Variants in IL1RAPL1 observed in about 807,000 individuals in gnomAD.
The protein encoded by IL1RAPL1 is interleukin 1 receptor accessory protein like 1, also known as interleukin-1 receptor accessory protein-like 1.
A neutral mutation model predicts 48.4 loss-of-function variants in IL1RAPL1; 3 were observed. That is an observed-to-expected ratio of 0.06 (90% CI 0.03 to 0.16). IL1RAPL1 has a LOEUF of 0.16. Ranked by LOEUF, IL1RAPL1 falls within the 10% of genes least tolerant of loss-of-function variation. The pLI is 1.00. For missense variants in IL1RAPL1, 349 were observed against 530.6 expected (o/e 0.66, Z 3.36); for synonymous variants, 185 against 187.7 (o/e 0.99, Z 0.12).
chrX:29,686,224 G>T (rs1276673523), intron 6 of IL1RAPL1, among the ~76,000 whole-genome samples: 1 of 111,343 alleles, frequency 9.0e-6, no homozygotes, highest in Admixed American at 9.5e-5. Context: ...TCAAATGCAG[G>T]ATAGCATTTT....
At chrX:29,309,516 C>T (rs1187909395) in intron 3 of IL1RAPL1, among the ~76,000 whole-genome samples, 1 of 112,213 alleles carries the variant, frequency 8.9e-6, no homozygotes, top group Non-Finnish European at 1.9e-5. Flanking sequence ...AATAACTGCT[C>T]CAAAAAAAGG....
intron 5 of IL1RAPL1, among the ~76,000 whole-genome samples, chrX:29,585,091 C>T (rs55663540): frequency 0.16 from 18,324 of 111,348 alleles, 2,063 homozygotes; most frequent in African/African-American, 0.39. Context: ...CTCTTAAAAA[C>T]TTTTGAATGT....
At chrX:29,328,895 G>A (rs1932862083) in intron 3 of IL1RAPL1, among the ~76,000 whole-genome samples, 1 of 110,690 alleles carries the variant, frequency 9.0e-6, no homozygotes, top group African/African-American at 3.3e-5. Context: ...GATCACGGTA[G>A]TATGATTTAC....
intron 3 of IL1RAPL1, among the ~76,000 whole-genome samples, chrX:29,338,525 C>G (rs942493174): frequency 5.4e-5 from 6 of 111,987 alleles, no homozygotes; most frequent in African/African-American, 1.6e-4. Context: ...TATTACAACT[C>G]TCTGAGGGAC....
chrX:28,735,787 A>G (rs1935815732), intron 1 of IL1RAPL1, among the ~76,000 whole-genome samples: 1 of 111,529 alleles, frequency 9.0e-6, no homozygotes, highest in South Asian at 3.7e-4. Flanking sequence ...ATAAAATTAA[A>G]AAAAAAATTA....
chrX:28,901,864 T>TC (rs773727052), intron 2 of IL1RAPL1, among the ~76,000 whole-genome samples: 125 of 112,145 alleles, frequency 1.1e-3, no homozygotes, highest in African/African-American at 3.8e-3. Context: ...CAAGTTGACT[T>TC]CAGCTTTCAG....
rs1011720993 is a variant in IL1RAPL1, at chrX:29,805,879, C to T, written c.779-111585C>T. Among the ~76,000 whole-genome samples the T allele has an allele frequency of 2.8e-5, 3 of 108,374 alleles. No homozygotes were observed. The Admixed American group carries it at 3.0e-4, about 11-fold the overall frequency. The allele number at this position is 108,374 out of a possible 115,157, so 94.1% of individuals were successfully genotyped here. On this transcript the variant is annotated intron_variant, in intron 6 of 10. Transcript: ENST00000378993. ...TGAAGTCTATTATAGTCTTATATGA[C>T]AGAAAAAGGTGAAGAAAATTGTATA...
At chrX:29,449,782 G>C (rs915347283) in intron 5 of IL1RAPL1, among the ~76,000 whole-genome samples, 32 of 69,656 alleles carry the variant, frequency 4.6e-4, no homozygotes, top group East Asian at 3.5e-3. Context: ...CACACACACA[G>C]AGAGAGAGAG....
At chrX:29,080,994 T>TTCTCTCTC (rs201299964) in intron 2 of IL1RAPL1, among the ~76,000 whole-genome samples, 354 of 26,397 alleles carry the variant, frequency 0.013, 16 homozygotes, top group East Asian at 0.023. Context: ...CTTTCTTTCT[T>TTCTCTCTC]TCTCTCTCTC....
chrX:29,619,243 T>G (rs1481432850), intron 5 of IL1RAPL1, among the ~76,000 whole-genome samples: 2 of 112,006 alleles, frequency 1.8e-5, no homozygotes, highest in Non-Finnish European at 3.8e-5. Flanking sequence ...TTTTTAAAAA[T>G]TTGTCTTGGC....
At chrX:29,024,463 T>C (rs936140371) in intron 2 of IL1RAPL1, among the ~76,000 whole-genome samples, 3 of 111,865 alleles carry the variant, frequency 2.7e-5, no homozygotes, top group African/African-American at 9.7e-5. Flanking sequence ...ACATTTCCAG[T>C]GTGTGATGTT....
intron 1 of IL1RAPL1, among the ~76,000 whole-genome samples, chrX:28,743,460 A>G (rs1280158267): frequency 9.0e-6 from 1 of 111,416 alleles, no homozygotes; most frequent in Non-Finnish European, 1.9e-5. Context: ...TAGTTACAAG[A>G]CCTTTCTTCT....
chrX:29,678,898 G>A (rs921504960), intron 6 of IL1RAPL1, among the ~76,000 whole-genome samples: 8 of 98,786 alleles, frequency 8.1e-5, no homozygotes, highest in Non-Finnish European at 2.2e-5. Context: ...CAAAAAGCCA[G>A]GAAGTTGCTT....
intron 1 of IL1RAPL1, among the ~76,000 whole-genome samples, chrX:28,656,283 G>A (rs1316585003): frequency 9.0e-6 from 1 of 110,762 alleles, no homozygotes; most frequent in Non-Finnish European, 1.9e-5. Flanking sequence ...CTACTCTTCT[G>A]ATTGTGCTGA....
At chrX:29,198,256 G>A (rs934978214) in intron 2 of IL1RAPL1, among the ~76,000 whole-genome samples, 1 of 110,262 alleles carries the variant, frequency 9.1e-6, no homozygotes, top group Non-Finnish European at 1.9e-5. Flanking sequence ...GGAAGATGCC[G>A]CTAGATTTGG....
chrX:28,829,102 T>G (rs1920991963), intron 2 of IL1RAPL1, among the ~76,000 whole-genome samples: 1 of 112,044 alleles, frequency 8.9e-6, no homozygotes, highest in South Asian at 3.7e-4. Flanking sequence ...ATTTTTGATA[T>G]TATTGTAAAT....
At chrX:28,779,634 GTATATATATATATATATATATATATA>G (rs1183080798) in intron 1 of IL1RAPL1, among the ~76,000 whole-genome samples, 3 of 38,322 alleles carry the variant, frequency 7.8e-5, no homozygotes, top group South Asian at 1.7e-3. Flanking sequence ...GTGTGTGTGT[GTATATATATATATATATATATATATA>G]TATATATATA....
chrX:29,672,137 C>T (rs1464416494), intron 6 of IL1RAPL1, among the ~76,000 whole-genome samples: 1 of 111,637 alleles, frequency 9.0e-6, no homozygotes, highest in Non-Finnish European at 1.9e-5. Flanking sequence ...TTGAATTCTT[C>T]ACATTTTTGT....
intron 3 of IL1RAPL1, among the ~76,000 whole-genome samples, chrX:29,362,947 A>G (rs188123745): frequency 1.5e-3 from 165 of 111,822 alleles, no homozygotes; most frequent in Middle Eastern, 4.6e-3. Flanking sequence ...CAATCCTTAT[A>G]ACAAGTGTGT....
Sources: gnomAD v4.1 joint callset for allele counts (sites outside exome capture counted in the v4.1 genomes callset) on GRCh38, gnomAD v4.1.1 for gene constraint, MANE v1.5 for transcripts, NCBI Gene and HGNC (gene_info 2026-07-23, HGNC 2026-07-21) for gene names.